SEPTIN9: variants seen among roughly 807,000 people sequenced by gnomAD.
SEPTIN9 encodes the protein septin 9, also known as septin-9.
SEPTIN9 carries 13 observed loss-of-function variants against 56.6 expected under a neutral mutation model. That is an observed-to-expected ratio of 0.23 (90% CI 0.15 to 0.37). SEPTIN9 has a LOEUF of 0.37. SEPTIN9 is among the 10% of genes least tolerant of loss of function. The pLI is 1.00. For synonymous variants in SEPTIN9, 332 were observed against 334.1 expected, an observed-to-expected ratio of 0.99 and a Z score of 0.07; for missense variants, 650 against 823.1, an observed-to-expected ratio of 0.79 and a Z score of 2.57.
Position 77,327,310 on chromosome 17 carries a change from C to A in SEPTIN9, c.76+20113C>A, listed in dbSNP as rs1227682778. Among the ~76,000 whole-genome samples, 1 of 152,204 alleles carries A rather than the reference C, an allele frequency of 6.6e-6. No individual in the cohort carries two copies. The highest frequency in any genetic ancestry group is 2.4e-5 in the African/African-American group (1 of 41,458). On this transcript the variant is annotated intron_variant, in intron 2 of 11. Transcript: ENST00000427177. This position sits in a 1 kb window ranked among gnomAD's most constrained non-coding sequence, Gnocchi z 5.0. ...CTCCTTGCTCACTCCAGCTTCCTGG[C>A]CCGTCTCTTGCTCTGGGCACCCCCC...
chr17:77,303,246 G>T (rs959832804), intron 1 of SEPTIN9, among the ~76,000 whole-genome samples: 1 of 151,512 alleles, frequency 6.6e-6, no homozygotes, highest in Non-Finnish European at 1.5e-5. Context: ...GATTACAGGC[G>T]AATGCCACCA....
At chr17:77,368,831 TTGTC>T (rs778417582) in intron 2 of SEPTIN9, among the ~76,000 whole-genome samples, 21 of 152,254 alleles carry the variant, frequency 1.4e-4, no homozygotes, top group Admixed American at 2.6e-4. Context: ...CATTTAACTA[TTGTC>T]TGTCCTGTTG....
intron 2 of SEPTIN9, among the ~76,000 whole-genome samples, chr17:77,372,611 G>A (rs1328105574): frequency 6.6e-6 from 1 of 152,210 alleles, no homozygotes; most frequent in African/African-American, 2.4e-5. Flanking sequence ...GGGAGGCGTC[G>A]CCCGTCCCTG....
intron 2 of SEPTIN9, among the ~76,000 whole-genome samples, chr17:77,315,263 C>G: frequency 6.6e-6 from 1 of 150,974 alleles, no homozygotes; most frequent in Non-Finnish European, 1.5e-5. Context: ...TAGGCCAAGC[C>G]AGAGACTGAA....
At chr17:77,464,601 A>ATTTTT (rs1022730489) in intron 3 of SEPTIN9, among the ~76,000 whole-genome samples, 1 of 139,948 alleles carries the variant, frequency 7.1e-6, no homozygotes, top group East Asian at 2.1e-4. Context: ...TGACACAGAA[A>ATTTTT]TTTTTTTTTT....
Position 77,318,892 on chromosome 17 carries a change from G to A in SEPTIN9, c.76+11695G>A, listed in dbSNP as rs1480184992. Among the ~76,000 whole-genome samples, 6 of 152,182 alleles carry A rather than the reference G, an allele frequency of 3.9e-5. No individual in the cohort carries two copies. The highest frequency in any genetic ancestry group is 1.3e-4 in the Admixed American group (2 of 15,272). On this transcript the variant is annotated intron_variant, in intron 2 of 11. Coordinates refer to ENST00000427177, the MANE Select transcript of SEPTIN9 (RefSeq NM_001113491.2). This position sits in a 1 kb window ranked among gnomAD's most constrained non-coding sequence, Gnocchi z 4.9. Reference sequence around the variant, plus strand: ...AACTCAGAGGCCTGCGGGGTGTGTCGAGGTAGAGGGGTGCAAATATTGTAA... The same window carrying A: ...AACTCAGAGGCCTGCGGGGTGTGTCAAGGTAGAGGGGTGCAAATATTGTAA...
intron 1 of SEPTIN9, among the ~76,000 whole-genome samples, chr17:77,289,311 G>A (rs538629320): frequency 3.0e-4 from 46 of 151,512 alleles, no homozygotes; most frequent in African/African-American, 1.1e-3. Flanking sequence ...TGGCCGGGTT[G>A]GTTTCAAACT....
Position 77,310,382 on chromosome 17 carries a change from C to G in SEPTIN9, c.76+3185C>G, listed in dbSNP as rs72880534. Among the ~76,000 whole-genome samples the G allele has an allele frequency of 0.13, 19,722 of 152,200 alleles. 1,392 individuals are homozygous for G. Among genetic ancestry groups the G allele is most frequent in the Non-Finnish European group, 0.16 (10,795 of 68,004 alleles). ...TCAGCATCACATCCTTGGTGCCTCA[C>G]TGGAGTCAGTGGCTGCCCTGCCTGT... On this transcript the variant is annotated intron_variant, in intron 2 of 11. Coordinates refer to ENST00000427177, the MANE Select transcript of SEPTIN9 (RefSeq NM_001113491.2). The surrounding 1 kb of genome is among the most constrained non-coding windows in gnomAD (Gnocchi z 4.7).
intron 1 of SEPTIN9, among the ~76,000 whole-genome samples, chr17:77,289,041 G>A (rs1215830598): frequency 1.3e-5 from 2 of 152,178 alleles, no homozygotes; most frequent in Admixed American, 6.5e-5. Context: ...GGGGGTTAAC[G>A]CTTTAACTGC....
intron 3 of SEPTIN9, chr17:77,442,039 T>G (rs1045937990): frequency 6.6e-6 from 1 of 152,200 alleles, no homozygotes. Context: ...AAAAGACAGA[T>G]TTAATCACAT....
intron 2 of SEPTIN9, chr17:77,373,880 C>A: frequency 3.3e-6 from 1 of 307,556 alleles, no homozygotes; most frequent in Non-Finnish European, 6.0e-6. Context: ...CTCGAGGGCT[C>A]GCGAGGCTGC....
intron 3 of SEPTIN9, among the ~76,000 whole-genome samples, chr17:77,438,676 G>A (rs1362164709): frequency 3.9e-5 from 6 of 152,342 alleles, no homozygotes; most frequent in Admixed American, 3.9e-4. Flanking sequence ...GCAGCCTCGG[G>A]AGGGTGCGCA....
rs1016903317 is a variant in SEPTIN9, at chr17:77,421,201, T to C, written c.721+18498T>C. ...CAGCTCTTTCCTGTGTAAGGCGCCATGGGGTGAAATGAAAGAAAACCCCAG... is the reference window on the plus strand; with the variant it reads ...CAGCTCTTTCCTGTGTAAGGCGCCACGGGGTGAAATGAAAGAAAACCCCAG... On this transcript the variant is annotated intron_variant, in intron 3 of 11. Coordinates refer to ENST00000427177, the MANE Select transcript of SEPTIN9 (RefSeq NM_001113491.2). The surrounding 1 kb of genome is among the most constrained non-coding windows in gnomAD (Gnocchi z 4.6). Among the ~76,000 whole-genome samples the C allele has an allele frequency of 1.3e-5, 2 of 152,172 alleles. No individual in the cohort carries two copies. The highest frequency in any genetic ancestry group is 2.4e-5 in the African/African-American group (1 of 41,452).
intron 3 of SEPTIN9, among the ~76,000 whole-genome samples, chr17:77,422,341 TCGG>T (rs2036735131): frequency 1.1e-4 from 16 of 152,180 alleles, no homozygotes; most frequent in African/African-American, 2.4e-5. Context: ...TCACCCAGCC[TCGG>T]GGCCAGGCGG....
chr17:77,306,329 A>G (rs2032262681), intron 1 of SEPTIN9, among the ~76,000 whole-genome samples: 1 of 152,188 alleles, frequency 6.6e-6, no homozygotes, highest in African/African-American at 2.4e-5. Context: ...GGCATTGCCC[A>G]GGGGACATCC....
chr17:77,454,690 G>A (rs970006677), intron 3 of SEPTIN9, among the ~76,000 whole-genome samples: 4 of 152,142 alleles, frequency 2.6e-5, no homozygotes, highest in Admixed American at 6.5e-5. Flanking sequence ...CAAACTCGCC[G>A]CCGCTCAGCC....
chr17:77,390,651 C>A (rs1309651306), intron 2 of SEPTIN9, among the ~76,000 whole-genome samples: 1 of 151,984 alleles, frequency 6.6e-6, no homozygotes, highest in Non-Finnish European at 1.5e-5. Context: ...CGGGGTTTCA[C>A]TGTGTTAGCC....
chr17:77,370,116 G>A (rs1278056667), intron 2 of SEPTIN9, among the ~76,000 whole-genome samples: 1 of 152,220 alleles, frequency 6.6e-6, no homozygotes, highest in Non-Finnish European at 1.5e-5. Context: ...GATGCAGATG[G>A]GAATAAGGCA....
At chr17:77,355,098 C>T (rs966116586) in intron 2 of SEPTIN9, among the ~76,000 whole-genome samples, 1 of 152,314 alleles carries the variant, frequency 6.6e-6, no homozygotes, top group Non-Finnish European at 1.5e-5. Flanking sequence ...TGCAGCTTAG[C>T]TCGTTGTAGT....
Sources: allele counts gnomAD v4.1 joint callset (sites outside exome capture counted in the v4.1 genomes callset), GRCh38; gene constraint gnomAD v4.1.1; non-coding constraint Gnocchi (gnomAD v3.1); transcripts MANE v1.5; gene names NCBI Gene and HGNC (gene_info 2026-07-23, HGNC 2026-07-21).